The following COP1 variants were observed in gnomAD, a reference collection of about 807,000 sequenced individuals.
The protein encoded by COP1 is COP1 E3 ubiquitin ligase.
In COP1, 24 loss-of-function variants were observed where a neutral mutation model predicts 101.3. That is an observed-to-expected ratio of 0.24 (90% confidence interval 0.17 to 0.33). The LOEUF (loss-of-function observed/expected upper bound fraction) is 0.33, where lower values mean the gene tolerates loss of function less well. COP1 is among the 10% of genes least tolerant of loss of function. COP1 has a pLI of 1.00. For missense variants in COP1, 663 were observed against 906.2 expected (o/e 0.73, Z 3.45); for synonymous variants, 347 against 341.9 (o/e 1.01, Z -0.17).
At chr1:176,201,500 C>T (rs1377051547) in intron 1 of COP1, among the ~76,000 whole-genome samples, 1 of 152,162 alleles carries the variant, frequency 6.6e-6, no homozygotes, top group Non-Finnish European at 1.5e-5. Flanking sequence ...AACATATCCA[C>T]CTATGTAATG....
At chr1:176,111,875 A>G (rs1283135341) in intron 9 of COP1, among the ~76,000 whole-genome samples, 1 of 152,174 alleles carries the variant, frequency 6.6e-6, no homozygotes, top group African/African-American at 2.4e-5. Flanking sequence ...CCTTCAGTGC[A>G]ATGTATCATG....
At chr1:176,041,246 G>A (rs142786755) in intron 14 of COP1, among the ~76,000 whole-genome samples, 44 of 152,290 alleles carry the variant, frequency 2.9e-4, no homozygotes, top group Non-Finnish European at 5.1e-4. Flanking sequence ...ATGTCTCCAT[G>A]TGGAATGAAT....
rs967834958 is a variant in COP1, at chr1:176,017,777, G to A, written c.1729+9795C>T. On this transcript the variant is annotated intron_variant, in intron 15 of 19. Coordinates refer to ENST00000367669, the MANE Select transcript of COP1 (RefSeq NM_022457.7). ...TAACCTCAAGTGATCTGCCCACCTC[G>A]GCCTCCCAAAGTGCTGGGATTAGAG... is the stretch of plus-strand genomic sequence containing the variant. 3.9e-5 allele frequency among the ~76,000 whole-genome samples: 6 copies of A among 152,192 alleles called. No individual in the cohort carries two copies. The South Asian group carries it at 6.2e-4, about 16-fold the overall frequency.
At chr1:176,141,162 C>T (rs1335628566) in intron 6 of COP1, among the ~76,000 whole-genome samples, 1 of 152,078 alleles carries the variant, frequency 6.6e-6, no homozygotes, top group South Asian at 2.1e-4. Flanking sequence ...CCAAACTGAA[C>T]AAAAGAATAC....
intron 18 of COP1, among the ~76,000 whole-genome samples, chr1:175,954,530 T>C (rs1415362763): frequency 6.6e-6 from 1 of 151,992 alleles, no homozygotes; most frequent in Non-Finnish European, 1.5e-5. Context: ...AAAATGTAAG[T>C]TAACAATATC....
chr1:176,098,626 A>G (rs1682846840), intron 9 of COP1, among the ~76,000 whole-genome samples: 1 of 152,238 alleles, frequency 6.6e-6, no homozygotes, highest in Admixed American at 6.5e-5. Flanking sequence ...ATAAAAGCAG[A>G]AAAACGTACT....
At chr1:176,054,323 A>G (rs1673091342) in intron 11 of COP1, among the ~76,000 whole-genome samples, 2 of 151,752 alleles carry the variant, frequency 1.3e-5, no homozygotes, top group African/African-American at 4.8e-5. Flanking sequence ...CACCATGCCC[A>G]GCTAATTTTT....
intron 15 of COP1, among the ~76,000 whole-genome samples, chr1:175,994,270 A>G (rs540895054): frequency 0.069 from 10,459 of 152,066 alleles, 441 homozygotes; most frequent in Admixed American, 0.086. Flanking sequence ...GGAACAACCC[A>G]TACCAGCCAC....
chr1:176,024,133 C>T (rs979151915), intron 15 of COP1, among the ~76,000 whole-genome samples: 2 of 152,124 alleles, frequency 1.3e-5, no homozygotes, highest in African/African-American at 2.4e-5. Flanking sequence ...GTGGCTGGTG[C>T]CCGTAGTCCC....
At chr1:176,136,225 G>A (rs995327179) in intron 7 of COP1, among the ~76,000 whole-genome samples, 1 of 151,986 alleles carries the variant, frequency 6.6e-6, no homozygotes, top group Non-Finnish European at 1.5e-5. Context: ...GGCACTCCAA[G>A]AAAACTGAGC....
In COP1 at chr1:176,135,917, T is replaced by C. The variant is rs151132970; in HGVS notation, c.891+571A>G. Among the ~76,000 whole-genome samples the C allele has an allele frequency of 3.6e-3, 401 of 112,280 alleles. 3 individuals carry two copies. Among genetic ancestry groups the C allele is most frequent in the African/African-American group, 0.01 (382 of 36,482 alleles). 73.7% of individuals were successfully genotyped at this position (112,280 alleles called of 152,430 possible). A position where few individuals can be genotyped will look rare whatever the true frequency, so the allele number is the denominator to read the frequency against. On this transcript the variant is annotated intron_variant, in intron 7 of 19. Transcript: ENST00000367669. ...ATCCATTAATCTTAAACATGTTCTA[T>C]GTATCAGCAAAAAAAAATTACAATA...
Position 176,168,799 on chromosome 1 carries a change from A to C in COP1, c.566-4908T>G, listed in dbSNP as rs138589561. 931 of 210,334 alleles carry C rather than the reference A, an allele frequency of 4.4e-3. 12 individuals are homozygous for C. The highest frequency in any genetic ancestry group is 0.021 in the African/African-American group (886 of 42,574). 13.0% of individuals were successfully genotyped at this position (210,334 alleles called of 1,614,324 possible). On this transcript the variant is annotated intron_variant, in intron 3 of 19. Transcript: ENST00000367669. ...AAGAGAATGAGAGAAAATGCTGTGG[A>C]AGGTAGAGAAAGATGCAGGGAAGGG...
chr1:176,184,640 T>C lies in COP1; in HGVS notation c.460A>G (p.Ser154Gly). Reference sequence around the variant, plus strand: ...TCAATAGAATTGTCTTACCAAAAGCTGTGGCCACATTTTGTCATGTATGCT... The same window carrying C: ...TCAATAGAATTGTCTTACCAAAAGCCGTGGCCACATTTTGTCATGTATGCT... The part of the protein sequence containing the change: ...EEAYMTKCGH[S>G]FCYKCIHQSL... Residue 154 changes from serine (S) to glycine (G), a missense_variant, in exon 2 of 20, where the codon AGC becomes GGC. By Grantham distance (56) the Ser-to-Gly change is moderately conservative (BLOSUM62 0). Transcript: ENST00000367669. 6.2e-7 allele frequency: 1 copy of C among 1,604,030 alleles called. No individual in the cohort carries two copies. The highest frequency in any genetic ancestry group is 8.5e-7 in the Non-Finnish European group (1 of 1,173,636).
intron 8 of COP1, among the ~76,000 whole-genome samples, chr1:176,127,561 CTGTGTG>C (rs71129555): frequency 1.3e-3 from 186 of 148,164 alleles, no homozygotes; most frequent in East Asian, 3.0e-3. Context: ...TAGTATTCTA[CTGTGTG>C]TGTGTGTGTG....
chr1:176,113,943 G>T (rs1685720512), intron 9 of COP1, among the ~76,000 whole-genome samples: 1 of 45,784 alleles, frequency 2.2e-5, no homozygotes, highest in South Asian at 1.5e-3. Context: ...GGTCAGGGTA[G>T]GGTTTTTTTT....
chr1:176,115,893 A>C (rs1227447099), intron 9 of COP1, among the ~76,000 whole-genome samples: 1 of 152,224 alleles, frequency 6.6e-6, no homozygotes, highest in African/African-American at 2.4e-5. Context: ...AAAGAAGTCA[A>C]GCTGATTATC....
In COP1 at chr1:176,144,870, A is replaced by G. The variant is rs140017543; in HGVS notation, c.831+4136T>C. 2.6e-3 allele frequency among the ~76,000 whole-genome samples: 398 copies of G among 152,240 alleles called. 3 individuals are homozygous for G. The highest frequency in any genetic ancestry group is 9.1e-3 in the African/African-American group (380 of 41,564). On this transcript the variant is annotated intron_variant, in intron 6 of 19. Coordinates refer to ENST00000367669, the MANE Select transcript of COP1 (RefSeq NM_022457.7). ...ACATTATACACAAAAATAAATCTTC[A>G]AGTATAGATCTAAATATGAAAGATA...
intron 11 of COP1, among the ~76,000 whole-genome samples, chr1:176,059,872 T>G (rs1674541220): frequency 6.6e-6 from 1 of 152,202 alleles, no homozygotes; most frequent in African/African-American, 2.4e-5. Context: ...AGTATTATCC[T>G]TTGTATTTTT....
intron 2 of COP1, among the ~76,000 whole-genome samples, chr1:176,183,187 C>A (rs971063011): frequency 6.6e-6 from 1 of 152,142 alleles, no homozygotes; most frequent in Non-Finnish European, 1.5e-5. Flanking sequence ...CCAGATGAAA[C>A]GAAAGATCTT....
Sources: allele counts gnomAD v4.1 joint callset (sites outside exome capture counted in the v4.1 genomes callset), GRCh38; gene constraint gnomAD v4.1.1; transcripts MANE v1.5; gene names NCBI Gene and HGNC (gene_info 2026-07-23, HGNC 2026-07-21).